TAFA2: variants seen among roughly 807,000 people sequenced by gnomAD.
TAFA2 encodes the protein TAFA chemokine like family member 2, also known as chemokine-like protein TAFA-2.
In TAFA2, 7 loss-of-function variants were observed where a neutral mutation model predicts 18.8. The ratio of observed to expected loss-of-function variants is 0.37; its 90% CI spans 0.21 to 0.70. The LOEUF (loss-of-function observed/expected upper bound fraction) is 0.70, where lower values mean the gene tolerates loss of function less well. Among genes scored for constraint, TAFA2 ranks in the 30% least tolerant of loss-of-function variants. The pLI is 0.53. For synonymous variants in TAFA2, 60 were observed against 54.2 expected, an observed-to-expected ratio of 1.11 and a Z score of -0.47; for missense variants, 122 against 158.1, an observed-to-expected ratio of 0.77 and a Z score of 1.23.
At chr12:61,763,732 C>T (rs917707299) in intron 2 of TAFA2, among the ~76,000 whole-genome samples, 22 of 151,702 alleles carry the variant, frequency 1.5e-4, no homozygotes, top group African/African-American at 4.4e-4. Flanking sequence ...GCATGCCTCA[C>T]GGTAAAGAGG....
chr12:61,722,870 T>G (rs1869970920), intron 4 of TAFA2, among the ~76,000 whole-genome samples: 1 of 152,074 alleles, frequency 6.6e-6, no homozygotes, highest in Admixed American at 6.6e-5. Context: ...CTGTTCCTCC[T>G]CCTCTTTGCC....
chr12:62,186,108 A>C (rs1434285818), intron 1 of TAFA2, among the ~76,000 whole-genome samples: 1 of 152,202 alleles, frequency 6.6e-6, no homozygotes, highest in African/African-American at 2.4e-5. Flanking sequence ...AGACTTGTTT[A>C]TAAAGAGCTG....
chr12:61,749,774 T>C (rs539843622), intron 4 of TAFA2, among the ~76,000 whole-genome samples: 1 of 152,150 alleles, frequency 6.6e-6, no homozygotes, highest in Non-Finnish European at 1.5e-5. Flanking sequence ...TTCATAAAGG[T>C]AATCTTCCTA....
intron 1 of TAFA2, among the ~76,000 whole-genome samples, chr12:62,173,902 G>C (rs2062495072): frequency 6.6e-6 from 1 of 152,200 alleles, no homozygotes; most frequent in South Asian, 2.1e-4. Context: ...TAGCGTATAG[G>C]TGGAAAATCA....
At chr12:61,929,697 C>T (rs1023548831) in intron 1 of TAFA2, among the ~76,000 whole-genome samples, 3 of 151,872 alleles carry the variant, frequency 2.0e-5, no homozygotes, top group Admixed American at 2.0e-4. Flanking sequence ...TATAAAGACA[C>T]ATGCACATGT....
chr12:61,907,284 T>A (rs568716962), intron 1 of TAFA2, among the ~76,000 whole-genome samples: 11 of 151,946 alleles, frequency 7.2e-5, no homozygotes, highest in Non-Finnish European at 1.6e-4. Flanking sequence ...CTGGGCCCAG[T>A]GCCCTACTCT....
chr12:62,217,475 A>G (rs1156512993), intron 1 of TAFA2, among the ~76,000 whole-genome samples: 1 of 152,222 alleles, frequency 6.6e-6, no homozygotes, highest in African/African-American at 2.4e-5. Flanking sequence ...AGATCAAGTG[A>G]TTAATGGACT....
At chr12:62,253,450 T>C (rs145885468) in intron 1 of TAFA2, 1 of 152,358 alleles carries the variant, frequency 6.6e-6, no homozygotes, top group East Asian at 1.9e-4. Flanking sequence ...AACAGAAGTA[T>C]TGTCTCTTAC....
At chr12:62,063,764 A>G (rs1353789792) in intron 1 of TAFA2, among the ~76,000 whole-genome samples, 2 of 152,130 alleles carry the variant, frequency 1.3e-5, no homozygotes, top group Non-Finnish European at 2.9e-5. Context: ...CTTTAAGAGC[A>G]AAGCTTAATC....
chr12:61,717,124 G>T (rs549373820), intron 4 of TAFA2, among the ~76,000 whole-genome samples: 10 of 151,938 alleles, frequency 6.6e-5, no homozygotes, highest in Non-Finnish European at 1.2e-4. Context: ...TGCTAAATGC[G>T]CAATTAAAAC....
chr12:62,171,508 T>G (rs2062477869), intron 1 of TAFA2, among the ~76,000 whole-genome samples: 1 of 152,194 alleles, frequency 6.6e-6, no homozygotes, highest in Non-Finnish European at 1.5e-5. Context: ...CTCAAAATCA[T>G]GTTAGGAGAT....
intron 2 of TAFA2, among the ~76,000 whole-genome samples, chr12:61,827,751 A>G (rs1872578596): frequency 6.6e-6 from 1 of 152,056 alleles, no homozygotes; most frequent in African/African-American, 2.4e-5. Flanking sequence ...TTATTTTCCT[A>G]TCAATAGACC....
At chr12:62,221,433 A>G (rs2062762483) in intron 1 of TAFA2, among the ~76,000 whole-genome samples, 1 of 152,156 alleles carries the variant, frequency 6.6e-6, no homozygotes, top group Admixed American at 6.5e-5. Flanking sequence ...ACTAAGACTT[A>G]TTACTGGGCT....
chr12:61,928,640 C>T (rs1395093668), intron 1 of TAFA2, among the ~76,000 whole-genome samples: 3 of 152,130 alleles, frequency 2.0e-5, no homozygotes, highest in African/African-American at 7.2e-5. Context: ...AGAAATACCA[C>T]TTGACCCAGC....
intron 1 of TAFA2, among the ~76,000 whole-genome samples, chr12:62,129,347 G>T (rs1281778808): frequency 6.6e-6 from 1 of 152,018 alleles, no homozygotes; most frequent in Admixed American, 6.6e-5. Context: ...CTGTTGTAAT[G>T]TGAAAAGTGA....
chr12:62,084,889 GC>G (rs1342326241), intron 1 of TAFA2, among the ~76,000 whole-genome samples: 1 of 152,122 alleles, frequency 6.6e-6, no homozygotes, highest in African/African-American at 2.4e-5. Flanking sequence ...TCAACAAGCT[GC>G]AGCACCCAGT....
intron 1 of TAFA2, among the ~76,000 whole-genome samples, chr12:62,078,918 G>A (rs560281301): frequency 6.6e-6 from 1 of 152,210 alleles, no homozygotes; most frequent in Admixed American, 6.5e-5. Context: ...GAGGAAGAGG[G>A]AAGAACACTA....
chr12:62,235,467 T>C, intron 1 of TAFA2: 2 of 623,916 alleles, frequency 3.2e-6, no homozygotes, highest in Non-Finnish European at 5.9e-6. Context: ...TGCCACTGGC[T>C]CAGCTTCCCA....
intron 2 of TAFA2, among the ~76,000 whole-genome samples, chr12:61,834,138 T>C (rs1328339474): frequency 6.6e-6 from 1 of 152,078 alleles, no homozygotes; most frequent in Non-Finnish European, 1.5e-5. Flanking sequence ...TGCTTTTATA[T>C]ACACTAGGTC....
Sources: gnomAD v4.1 joint callset for allele counts (sites outside exome capture counted in the v4.1 genomes callset) on GRCh38, gnomAD v4.1.1 for gene constraint, MANE v1.5 for transcripts, NCBI Gene and HGNC (gene_info 2026-07-23, HGNC 2026-07-21) for gene names.